The following PARD3 variants were observed in gnomAD, a reference collection of about 807,000 sequenced individuals.
The protein encoded by PARD3 is partitioning defective 3 homolog.
Under a neutral mutation model 155.4 loss-of-function variants are expected in PARD3, and 75 were observed. The observed-to-expected ratio is 0.48, with a 90% CI of 0.40 to 0.58. The LOEUF (loss-of-function observed/expected upper bound fraction) is 0.58. Ranked by LOEUF, PARD3 falls within the 20% of genes least tolerant of loss-of-function variation. The pLI is 0.00. For missense variants in PARD3, 1,642 were observed against 1,721.7 expected (o/e 0.95, Z 0.82); for synonymous variants, 576 against 610.5 (o/e 0.94, Z 0.83).
chr10:34,803,654 T>G (rs992145646), intron 1 of PARD3, among the ~76,000 whole-genome samples: 2 of 151,806 alleles, frequency 1.3e-5, no homozygotes, highest in African/African-American at 4.8e-5. Context: ...ATACAAAAAT[T>G]TAGCCAGGTG....
intron 16 of PARD3, among the ~76,000 whole-genome samples, chr10:34,341,211 A>G (rs1836790159): frequency 6.6e-6 from 1 of 152,028 alleles, no homozygotes; most frequent in Non-Finnish European, 1.5e-5. Flanking sequence ...CACTTTAAAA[A>G]AAGCCTCCTC....
chr10:34,192,695 GCA>G (rs1236886640), intron 22 of PARD3, among the ~76,000 whole-genome samples: 2 of 152,154 alleles, frequency 1.3e-5, no homozygotes, highest in African/African-American at 4.8e-5. Flanking sequence ...GCTGTTGATG[GCA>G]CAGGCCGGCA....
chr10:34,808,144 T>C (rs970941568), intron 1 of PARD3, among the ~76,000 whole-genome samples: 1 of 151,586 alleles, frequency 6.6e-6, no homozygotes, highest in African/African-American at 2.4e-5. Flanking sequence ...CGAGATGCCG[T>C]CTCTACAAAA....
At chr10:34,176,528 C>T (rs574618752) in intron 22 of PARD3, among the ~76,000 whole-genome samples, 2 of 152,158 alleles carry the variant, frequency 1.3e-5, no homozygotes, top group African/African-American at 2.4e-5. Context: ...GGTTTTCTTA[C>T]GCATTTCCAA....
intron 3 of PARD3, among the ~76,000 whole-genome samples, chr10:34,480,798 T>TC (rs1395640930): frequency 6.7e-6 from 1 of 148,454 alleles, no homozygotes; most frequent in African/African-American, 2.5e-5. Flanking sequence ...CTTTTTCTTT[T>TC]TTTTTTTTTT....
intron 5 of PARD3, among the ~76,000 whole-genome samples, chr10:34,416,979 G>C (rs1010010833): frequency 6.6e-6 from 1 of 152,164 alleles, no homozygotes; most frequent in Non-Finnish European, 1.5e-5. Context: ...TAACCTTACA[G>C]CAAGGATGAT....
At chr10:34,151,811 G>T (rs561922360) in intron 22 of PARD3, among the ~76,000 whole-genome samples, 1 of 152,066 alleles carries the variant, frequency 6.6e-6, no homozygotes, top group African/African-American at 2.4e-5. Context: ...GGCAACAATG[G>T]ATCACACAGG....
At chr10:34,323,139 G>T (rs1323577265) in intron 19 of PARD3, among the ~76,000 whole-genome samples, 2 of 152,164 alleles carry the variant, frequency 1.3e-5, no homozygotes, top group Non-Finnish European at 2.9e-5. Flanking sequence ...GAACGCTGGG[G>T]ACATAAATAT....
intron 2 of PARD3, among the ~76,000 whole-genome samples, chr10:34,681,748 A>G (rs7915603): frequency 6.3e-5 from 1 of 15,884 alleles, no homozygotes; most frequent in South Asian, 2.0e-3. Context: ...ATATATATAT[A>G]TATATATATA....
Position 34,111,160 on chromosome 10 carries a change from T to C in PARD3, c.*9A>G. 6.5e-7 allele frequency: 1 copy of C among 1,533,014 alleles called. No individual in the cohort carries two copies. The highest frequency in any genetic ancestry group is 8.8e-7 in the Non-Finnish European group (1 of 1,140,688). 95.0% of individuals were successfully genotyped at this position (1,533,014 alleles called of 1,614,324 possible). A position where few individuals can be genotyped will look rare whatever the true frequency, so the allele number is the denominator to read the frequency against. On this transcript the variant is annotated 3_prime_UTR_variant, in exon 25 of 25. Coordinates refer to ENST00000374788, the MANE Select transcript of PARD3 (RefSeq NM_001184785.2). ...ATTGCGCGACATGAAGCATCCGTTA[T>C]TTGCGTGCTCAGGAATAGAAGGGCC...
rs76331933 is a variant in PARD3, at chr10:34,394,618, G to A, written c.890+4712C>T. On this transcript the variant is annotated intron_variant, in intron 7 of 24. Coordinates refer to ENST00000374788, the MANE Select transcript of PARD3 (RefSeq NM_001184785.2). ...TGGGATTACATGAATGAGCCATCAT[G>A]TCCAGCCTCAAACACAAAATCTTAT... is the stretch of plus-strand genomic sequence containing the variant. Among the ~76,000 whole-genome samples the A allele has an allele frequency of 3.7e-3, 565 of 152,294 alleles. 1 individual carries two copies. Among genetic ancestry groups the A allele is most frequent in the African/African-American group, 0.013 (530 of 41,566 alleles).
At chr10:34,465,344 T>C (rs2133017110) in intron 4 of PARD3, among the ~76,000 whole-genome samples, 1 of 152,234 alleles carries the variant, frequency 6.6e-6, no homozygotes, top group African/African-American at 2.4e-5. Flanking sequence ...TGGGGAACCT[T>C]GAAAAATACT....
chr10:34,776,579 GA>G (rs1839554341), intron 1 of PARD3, among the ~76,000 whole-genome samples: 1 of 151,318 alleles, frequency 6.6e-6, no homozygotes, highest in African/African-American at 2.4e-5. Context: ...GTAAGCAGAG[GA>G]AGGACAGCAA....
At chr10:34,346,231 A>G in intron 15 of PARD3, 1 of 1,149,170 alleles carries the variant, frequency 8.7e-7, no homozygotes. Context: ...AGCTGTAGCT[A>G]ACAAAATCGG....
intron 22 of PARD3, among the ~76,000 whole-genome samples, chr10:34,160,033 C>G (rs1406620346): frequency 1.3e-5 from 2 of 152,076 alleles, no homozygotes; most frequent in African/African-American, 4.8e-5. Flanking sequence ...TCATAGAGGA[C>G]TAGAGAGAAA....
At chr10:34,367,431 C>G (rs531363897) in intron 12 of PARD3, among the ~76,000 whole-genome samples, 1 of 152,208 alleles carries the variant, frequency 6.6e-6, no homozygotes, top group African/African-American at 2.4e-5. Context: ...TCTGGCCAGG[C>G]GCAGTGGCTC....
At chr10:34,445,170 T>C (rs1393024457) in intron 5 of PARD3, among the ~76,000 whole-genome samples, 2 of 152,084 alleles carry the variant, frequency 1.3e-5, no homozygotes. Flanking sequence ...AGAAGAGACA[T>C]CAGGTCATTA....
At chr10:34,296,343 G>A (rs751419288) in intron 20 of PARD3, among the ~76,000 whole-genome samples, 4 of 151,946 alleles carry the variant, frequency 2.6e-5, no homozygotes, top group Admixed American at 1.3e-4. Flanking sequence ...GAATTCTGCC[G>A]CCTCAGCCTC....
chr10:34,129,772 C>G (rs1947504501), intron 23 of PARD3, among the ~76,000 whole-genome samples: 1 of 144,988 alleles, frequency 6.9e-6, no homozygotes, highest in Non-Finnish European at 1.5e-5. Flanking sequence ...ATCCTCCCAA[C>G]TCAGCCTCCT....
Sources: gnomAD v4.1 joint callset for allele counts (sites outside exome capture counted in the v4.1 genomes callset) on GRCh38, gnomAD v4.1.1 for gene constraint, MANE v1.5 for transcripts, NCBI Gene and HGNC (gene_info 2026-07-23, HGNC 2026-07-21) for gene names.